STK39: variants seen among roughly 807,000 people sequenced by gnomAD.
The protein encoded by STK39 is STE20/SPS1-related proline-alanine-rich protein kinase.
Under a neutral mutation model 77.8 loss-of-function variants are expected in STK39, and 20 were observed. The ratio of observed to expected loss-of-function variants is 0.26; its 90% CI spans 0.18 to 0.37. The LOEUF is 0.37. Among genes scored for constraint, STK39 ranks in the 10% least tolerant of loss-of-function variants. STK39 has a pLI of 1.00. For missense variants in STK39, 479 were observed against 656.5 expected, an observed-to-expected ratio of 0.73 and a Z score of 2.95; for synonymous variants, 246 against 234.1, an observed-to-expected ratio of 1.05 and a Z score of -0.47.
At chr2:168,181,549 A>G (rs1689083321) in intron 2 of STK39, among the ~76,000 whole-genome samples, 2 of 152,208 alleles carry the variant, frequency 1.3e-5, no homozygotes, top group South Asian at 4.1e-4. Flanking sequence ...GTGTGATGCT[A>G]TAATTTATGA....
intron 1 of STK39, among the ~76,000 whole-genome samples, chr2:168,214,063 C>G (rs1689961948): frequency 6.6e-6 from 1 of 152,112 alleles, no homozygotes; most frequent in Non-Finnish European, 1.5e-5. Flanking sequence ...CGGTGGACAA[C>G]AGTGGTGGAG....
At chr2:168,032,349 CTTT>C (rs1684850084) in intron 14 of STK39, among the ~76,000 whole-genome samples, 1 of 152,148 alleles carries the variant, frequency 6.6e-6, no homozygotes, top group Non-Finnish European at 1.5e-5. Flanking sequence ...AAAACTTGTT[CTTT>C]GAGAATGTTG....
At chr2:168,059,617 G>C (rs1287250682) in intron 14 of STK39, among the ~76,000 whole-genome samples, 1 of 152,090 alleles carries the variant, frequency 6.6e-6, no homozygotes, top group East Asian at 1.9e-4. Flanking sequence ...GAGTTCCGAT[G>C]AGCATGCCGC....
In STK39 at chr2:168,162,211, G is replaced by C. The variant is rs1447841463; in HGVS notation, c.573-369C>G. Among the ~76,000 whole-genome samples the C allele has an allele frequency of 4.7e-5, 7 of 150,084 alleles. No individual in the cohort carries two copies. In the Admixed American group the frequency reaches 4.7e-4, roughly 10 times the overall value. On this transcript the variant is annotated intron_variant, in intron 4 of 17. Coordinates refer to ENST00000355999, the MANE Select transcript of STK39 (RefSeq NM_013233.3). Reference sequence around the variant, plus strand: ...TGAGGCAGAAGAATCACTTGAACCTGGGAGGTGGAGGCTGCAGTGAGCCAA... The same window carrying C: ...TGAGGCAGAAGAATCACTTGAACCTCGGAGGTGGAGGCTGCAGTGAGCCAA...
chr2:168,131,527 A>G (rs1022003416), intron 8 of STK39, among the ~76,000 whole-genome samples: 4 of 152,238 alleles, frequency 2.6e-5, no homozygotes, highest in Non-Finnish European at 4.4e-5. Flanking sequence ...CATTACGTGC[A>G]TCAGTACACA....
At chr2:168,033,284 T>A (rs1445044484) in intron 14 of STK39, among the ~76,000 whole-genome samples, 1 of 151,558 alleles carries the variant, frequency 6.6e-6, no homozygotes. Context: ...CTGAGAGCAT[T>A]TGAGGTGCTT....
intron 1 of STK39, among the ~76,000 whole-genome samples, chr2:168,191,952 G>A (rs1355294179): frequency 5.3e-5 from 8 of 152,164 alleles, no homozygotes; most frequent in Non-Finnish European, 7.4e-5. Context: ...ACATTTAGGA[G>A]GAAACCTACA....
intron 1 of STK39, among the ~76,000 whole-genome samples, chr2:168,187,107 C>A (rs1313607750): frequency 2.6e-5 from 4 of 152,178 alleles, no homozygotes; most frequent in Admixed American, 2.0e-4. Context: ...AATCCCAGCA[C>A]TTTGGGAGGC....
Position 168,163,854 on chromosome 2 carries a change from T to C in STK39, c.457A>G (p.Ile153Val), listed in dbSNP as rs1296099523. The C allele has an allele frequency of 1.9e-6, 3 of 1,613,960 alleles. No individual in the cohort carries two copies. Among genetic ancestry groups the C allele is most frequent in the Non-Finnish European group, 2.5e-6 (3 of 1,179,922 alleles). The change falls in exon 4 of 18, where the codon ATT (isoleucine) becomes GTT (valine). Residue 153 changes from isoleucine to valine, a missense_variant. Ile to Val is a conservative substitution (Grantham distance 29). Transcript: ENST00000355999. ...GGSMLDIIKYIVNRGEHKNGV... is the reference protein window; with the variant it reads ...GGSMLDIIKYVVNRGEHKNGV... ...TTCTTGTGTTCTCCTCGGTTGACAA[T>C]GTATTTTATGATATCCAACATTGAA...
chr2:168,089,569 T>C (rs1162921589), intron 10 of STK39, among the ~76,000 whole-genome samples: 2 of 152,254 alleles, frequency 1.3e-5, no homozygotes, highest in Admixed American at 6.5e-5. Flanking sequence ...TATTTTCACC[T>C]GCATTTATTG....
At chr2:168,226,131 G>A (rs949776004) in intron 1 of STK39, among the ~76,000 whole-genome samples, 6 of 152,166 alleles carry the variant, frequency 3.9e-5, no homozygotes. Flanking sequence ...AAAACAGCCA[G>A]AGAAGCAGGT....
At chr2:168,074,881 A>G in intron 12 of STK39, 101 bp downstream of exon 12, 2 of 1,369,714 alleles carry the variant, frequency 1.5e-6, no homozygotes, top group Non-Finnish European at 2.0e-6. Context: ...TTTTCTTTCT[A>G]CTCCATGAGA....
chr2:168,136,801 TAATCTC>T (rs1687853340), intron 8 of STK39, among the ~76,000 whole-genome samples: 1 of 152,162 alleles, frequency 6.6e-6, no homozygotes, highest in Admixed American at 6.5e-5. Context: ...GTTGAAGAAA[TAATCTC>T]AATGAAAGAT....
intron 17 of STK39, among the ~76,000 whole-genome samples, chr2:167,956,271 TGCCTTGGCCAGGCATGGCG>T (rs1691759524): frequency 6.6e-6 from 1 of 152,190 alleles, no homozygotes; most frequent in Non-Finnish European, 1.5e-5. Context: ...AAAAAGCCAT[TGCCTTGGCCAGGCATGGCG>T]GCTCACGCCT....
intron 5 of STK39, among the ~76,000 whole-genome samples, chr2:168,149,193 A>G (rs1574504251): frequency 1.8e-5 from 1 of 54,904 alleles, no homozygotes; most frequent in South Asian, 6.2e-4. Flanking sequence ...ATCCAAAGGT[A>G]GTAATACAGT....
intron 12 of STK39, among the ~76,000 whole-genome samples, chr2:168,071,417 G>T (rs1426187994): frequency 6.6e-6 from 1 of 151,862 alleles, no homozygotes; most frequent in Non-Finnish European, 1.5e-5. Context: ...CAACTGAATT[G>T]CAATGTAATG....
intron 5 of STK39, among the ~76,000 whole-genome samples, chr2:168,143,440 C>T (rs1431580134): frequency 2.0e-5 from 3 of 152,150 alleles, no homozygotes; most frequent in Non-Finnish European, 4.4e-5. Flanking sequence ...AGGACAGGAG[C>T]GGTGGCTCAT....
At chr2:168,151,706 T>C (rs1688290722) in intron 5 of STK39, among the ~76,000 whole-genome samples, 1 of 144,662 alleles carries the variant, frequency 6.9e-6, no homozygotes, top group South Asian at 2.2e-4. Flanking sequence ...GCCACTGCAC[T>C]CCAGCCTGGG....
At chr2:168,022,283 T>C (rs1001049460) in intron 14 of STK39, among the ~76,000 whole-genome samples, 1 of 152,240 alleles carries the variant, frequency 6.6e-6, no homozygotes, top group Non-Finnish European at 1.5e-5. Flanking sequence ...GGTGAATTCT[T>C]TGGTCAAAGG....
Sources: allele counts gnomAD v4.1 joint callset (sites outside exome capture counted in the v4.1 genomes callset), GRCh38; gene constraint gnomAD v4.1.1; transcripts MANE v1.5; gene names NCBI Gene and HGNC (gene_info 2026-07-23, HGNC 2026-07-21).